MAGI2: variants seen among roughly 807,000 people sequenced by gnomAD.
MAGI2 encodes the protein membrane associated guanylate kinase, WW and PDZ domain containing 2, also known as membrane-associated guanylate kinase, WW and PDZ domain-containing protein 2.
In MAGI2, 35 loss-of-function variants were observed where a neutral mutation model predicts 133.3. The ratio of observed to expected loss-of-function variants is 0.26; its 90% CI spans 0.20 to 0.35. The LOEUF is 0.35. MAGI2 is among the 10% of genes least tolerant of loss of function. The pLI is 1.00. For synonymous variants in MAGI2, 729 were observed against 710.6 expected, an observed-to-expected ratio of 1.03 and a Z score of -0.41; for missense variants, 1,636 against 1,863.4, an observed-to-expected ratio of 0.88 and a Z score of 2.25.
chr7:78,559,790 T>G (rs1800223010), intron 3 of MAGI2, among the ~76,000 whole-genome samples: 1 of 152,178 alleles, frequency 6.6e-6, no homozygotes, highest in African/African-American at 2.4e-5. Flanking sequence ...GTGTTTAATT[T>G]TTGATAAAAC....
intron 13 of MAGI2, 76 bp downstream of exon 13, chr7:78,185,553 C>T (rs1827603357): frequency 2.6e-6 from 3 of 1,167,238 alleles, no homozygotes; most frequent in African/African-American, 1.5e-5. Context: ...GAAACTGATA[C>T]TATCAGAAGA....
chr7:78,973,223 A>G (rs759139997), intron 2 of MAGI2, among the ~76,000 whole-genome samples: 1 of 151,888 alleles, frequency 6.6e-6, no homozygotes, highest in Non-Finnish European at 1.5e-5. Flanking sequence ...TTCAAAGCAC[A>G]CAATTAGATT....
At chr7:78,916,307 A>G (rs1798790877) in intron 2 of MAGI2, among the ~76,000 whole-genome samples, 1 of 152,110 alleles carries the variant, frequency 6.6e-6, no homozygotes, top group Non-Finnish European at 1.5e-5. Flanking sequence ...TAACAAATAA[A>G]TGTAAATTAG....
At chr7:78,849,742 CTT>C (rs1792968531) in intron 2 of MAGI2, among the ~76,000 whole-genome samples, 1 of 152,004 alleles carries the variant, frequency 6.6e-6, no homozygotes, top group African/African-American at 2.4e-5. Context: ...GTTTCTGACA[CTT>C]AAGATTGATA....
chr7:78,658,984 G>C (rs1292135372), intron 2 of MAGI2, among the ~76,000 whole-genome samples: 1 of 152,126 alleles, frequency 6.6e-6, no homozygotes, highest in African/African-American at 2.4e-5. Flanking sequence ...CCAGGGAAAT[G>C]ACAAGTTATA....
At chr7:78,080,001 T>C (rs1815778044) in intron 20 of MAGI2, among the ~76,000 whole-genome samples, 1 of 152,192 alleles carries the variant, frequency 6.6e-6, no homozygotes, top group Non-Finnish European at 1.5e-5. Flanking sequence ...AAAATGCTAT[T>C]TTAGTTAGGT....
intron 2 of MAGI2, among the ~76,000 whole-genome samples, chr7:78,958,877 G>A (rs1224017642): frequency 2.0e-5 from 3 of 152,090 alleles, no homozygotes; most frequent in Non-Finnish European, 4.4e-5. Flanking sequence ...AAAGAGCACT[G>A]AAGATAATAT....
At chr7:79,018,882 T>C (rs1584696047) in intron 1 of MAGI2, among the ~76,000 whole-genome samples, 1 of 152,282 alleles carries the variant, frequency 6.6e-6, no homozygotes, top group East Asian at 1.9e-4. Context: ...AGCAGCCAGA[T>C]ATATAAAGCA....
chr7:79,254,972 G>A (rs1833580915), intron 1 of MAGI2, among the ~76,000 whole-genome samples: 1 of 152,152 alleles, frequency 6.6e-6, no homozygotes, highest in African/African-American at 2.4e-5. Flanking sequence ...TAGTATTCTA[G>A]TACTCATTCT....
intron 1 of MAGI2, among the ~76,000 whole-genome samples, chr7:79,266,127 T>C (rs1269481432): frequency 6.6e-6 from 1 of 152,038 alleles, no homozygotes; most frequent in African/African-American, 2.4e-5. Context: ...TGGAGTGGCA[T>C]GAATAAACGT....
intron 2 of MAGI2, among the ~76,000 whole-genome samples, chr7:78,866,479 G>C (rs1794564087): frequency 6.6e-6 from 1 of 151,976 alleles, no homozygotes; most frequent in Non-Finnish European, 1.5e-5. Flanking sequence ...AAATTAAGAA[G>C]ACCATTAGTC....
intron 1 of MAGI2, among the ~76,000 whole-genome samples, chr7:79,286,469 C>A (rs1409458621): frequency 6.6e-6 from 1 of 151,926 alleles, no homozygotes; most frequent in Non-Finnish European, 1.5e-5. Context: ...CTCCACCAAA[C>A]AATTCTTGCT....
chr7:79,365,966 G>A (rs1415135521), intron 1 of MAGI2, among the ~76,000 whole-genome samples: 2 of 149,216 alleles, frequency 1.3e-5, no homozygotes, highest in African/African-American at 4.9e-5. Flanking sequence ...AAAAAAAGTT[G>A]GTGCGATGGC....
intron 2 of MAGI2, among the ~76,000 whole-genome samples, chr7:78,801,179 T>C (rs1338840134): frequency 2.5e-4 from 38 of 152,178 alleles, no homozygotes; most frequent in Non-Finnish European, 2.9e-5. Context: ...ACAGGATAAT[T>C]CAAAAGAAAT....
At chr7:79,346,806 C>G (rs184991868) in intron 1 of MAGI2, among the ~76,000 whole-genome samples, 1 of 152,010 alleles carries the variant, frequency 6.6e-6, no homozygotes, top group South Asian at 2.1e-4. Flanking sequence ...CAGAAATGAT[C>G]TCTCCTTTTG....
At chr7:79,226,686 A>G (rs1406694583) in intron 1 of MAGI2, among the ~76,000 whole-genome samples, 1 of 152,022 alleles carries the variant, frequency 6.6e-6, no homozygotes, top group East Asian at 1.9e-4. Context: ...TTAGTTACCA[A>G]GGATCAATAA....
At chr7:79,224,376 C>G (rs1830679578) in intron 1 of MAGI2, among the ~76,000 whole-genome samples, 1 of 151,900 alleles carries the variant, frequency 6.6e-6, no homozygotes, top group South Asian at 2.1e-4. Flanking sequence ...TTTCTTTTAC[C>G]TTGTGCTATA....
intron 11 of MAGI2, among the ~76,000 whole-genome samples, chr7:78,198,010 C>T (rs938353661): frequency 2.0e-5 from 3 of 152,224 alleles, no homozygotes; most frequent in African/African-American, 7.2e-5. Context: ...ACCTGGGATA[C>T]TCACTGTGTG....
chr7:78,665,666 G>A (rs1184610686), intron 2 of MAGI2, among the ~76,000 whole-genome samples: 1 of 152,080 alleles, frequency 6.6e-6, no homozygotes, highest in East Asian at 1.9e-4. Flanking sequence ...GAGAATTAGA[G>A]TAGCCTTAGA....
Sources: gnomAD v4.1 joint callset for allele counts (sites outside exome capture counted in the v4.1 genomes callset) on GRCh38, gnomAD v4.1.1 for gene constraint, MANE v1.5 for transcripts, NCBI Gene and HGNC (gene_info 2026-07-23, HGNC 2026-07-21) for gene names.